Variants in MGAM observed in about 807,000 individuals in gnomAD.
MGAM encodes the protein alpha-1,4-glucosidase.
In MGAM, 253 loss-of-function variants were observed where a neutral mutation model predicts 358.8. That is an observed-to-expected ratio of 0.71 (90% CI 0.64 to 0.78). The LOEUF is 0.78. MGAM is among the 30% of genes least tolerant of loss of function. MGAM has a pLI of 0.00. For missense variants in MGAM, 3,080 were observed against 3,432.6 expected (o/e 0.90, Z 2.57); for synonymous variants, 1,105 against 1,227.1 (o/e 0.90, Z 2.08).
At chr7:142,005,785 G>C in intron 2 of MGAM, 128 bp downstream of exon 2, 1 of 868,760 alleles carries the variant, frequency 1.2e-6, no homozygotes, top group South Asian at 1.8e-5. Context: ...TTATATGTGT[G>C]TGTTCTATGT....
In MGAM at chr7:142,076,113, T is replaced by A. The variant is rs1337106956; in HGVS notation, c.5276-90T>A. On this transcript the variant is annotated intron_variant, in intron 45 of 70. Coordinates refer to ENST00000475668, the MANE Select transcript of MGAM (RefSeq NM_001365693.1). Reference sequence around the variant, plus strand: ...AAAGGAAATACTGCCATTTGTGACATCAGGATGTAACTGAAAAGAGTGGGA... The same window carrying A: ...AAAGGAAATACTGCCATTTGTGACAACAGGATGTAACTGAAAAGAGTGGGA... 2.0e-6 allele frequency: 2 copies of A among 1,016,056 alleles called. 1 individual carries two copies. The highest frequency in any genetic ancestry group is 3.1e-6 in the Non-Finnish European group (2 of 650,932). The allele number at this position is 1,016,056 out of a possible 1,614,324, so 62.9% of individuals were successfully genotyped here.
rs78757407 is a variant in MGAM, at chr7:142,098,050, C to T, written c.7749+401C>T. On this transcript the variant is annotated intron_variant, in intron 66 of 70. Transcript: ENST00000475668. ...TGTAAGCATAGAGGCCTTTTTGTCT[C>T]TGTCTTTTTATTAAATATCTCCTTC... Among the ~76,000 whole-genome samples, 717 of 151,724 alleles carry T rather than the reference C, an allele frequency of 4.7e-3. 4 individuals are homozygous for T. The highest frequency in any genetic ancestry group is 0.017 in the African/African-American group (683 of 41,056).
At chr7:142,015,923 A>T (rs4726487) in intron 3 of MGAM, among the ~76,000 whole-genome samples, 87,667 of 151,812 alleles carry the variant, frequency 0.58, 26,237 homozygotes, top group East Asian at 0.78. Flanking sequence ...AGTTTTTTTT[A>T]ATGAATCACA....
At chr7:142,083,653 T>C (rs1814514464) in intron 53 of MGAM, among the ~76,000 whole-genome samples, 1 of 145,660 alleles carries the variant, frequency 6.9e-6, no homozygotes, top group Non-Finnish European at 1.6e-5. Context: ...GTGATAGTAG[T>C]ATGGTGGTGG....
At chr7:142,057,465 G>C (rs1276054042) in intron 30 of MGAM, among the ~76,000 whole-genome samples, 1 of 149,294 alleles carries the variant, frequency 6.7e-6, no homozygotes, top group African/African-American at 2.5e-5. Context: ...GTGACAGTGA[G>C]GTGGTGTGAG....
intron 58 of MGAM, 141 bp from the exon 59 acceptor site, chr7:142,092,380 C>A: frequency 4.3e-6 from 4 of 926,654 alleles, no homozygotes; most frequent in South Asian, 1.6e-5. Flanking sequence ...CAGTTCTCAC[C>A]AGGATTTGAT....
chr7:142,045,647 AT>A (rs1202638118), intron 21 of MGAM, among the ~76,000 whole-genome samples: 2 of 105,910 alleles, frequency 1.9e-5, no homozygotes, highest in African/African-American at 7.5e-5. Context: ...TATAATATAT[AT>A]TATATACATA....
intron 1 of MGAM, among the ~76,000 whole-genome samples, chr7:141,999,937 G>T (rs1804601612): frequency 6.6e-6 from 1 of 151,882 alleles, no homozygotes; most frequent in Admixed American, 6.6e-5. Flanking sequence ...TCTTTCTCTT[G>T]TATAGCTAGA....
chr7:142,066,463 C>T, intron 40 of MGAM, 110 bp from the exon 41 acceptor site: 1 of 1,270,952 alleles, frequency 7.9e-7, no homozygotes, highest in Non-Finnish European at 1.1e-6. Flanking sequence ...GTATAGTTTT[C>T]TTTTGTTTAG....
chr7:142,078,939 C>T lies in MGAM; in HGVS notation c.5778C>T (p.Phe1926=), dbSNP rs746061058. Residue 1926 remains phenylalanine (F), a synonymous_variant, in exon 49 of 71, where the codon TTC becomes TTT. Transcript: ENST00000475668. ...AGTCTTCTGTTCATGCCAATGCCTT[C>T]CCTTCCACACCCGTGAACCCCCTTC... is the stretch of plus-strand genomic sequence containing the variant. ...SLKSSVHANA[F]PSTPVNPLRL... 85 of 1,555,842 alleles carry T rather than the reference C, an allele frequency of 5.5e-5. 14 individuals carry two copies. Among genetic ancestry groups the T allele is most frequent in the Non-Finnish European group, 7.2e-5 (81 of 1,132,430 alleles).
intron 20 of MGAM, chr7:142,040,424 A>G: frequency 1.7e-6 from 1 of 583,376 alleles, no homozygotes; most frequent in Non-Finnish European, 3.0e-6. Flanking sequence ...ATAAATTAAT[A>G]TTGGAGGAAC....
intron 21 of MGAM, among the ~76,000 whole-genome samples, chr7:142,044,977 T>C (rs1345337666): frequency 9.3e-6 from 1 of 107,374 alleles, no homozygotes; most frequent in African/African-American, 3.5e-5. Flanking sequence ...ATATGATATA[T>C]AATGTATATT....
intron 42 of MGAM, among the ~76,000 whole-genome samples, chr7:142,068,012 G>T (rs1812996003): frequency 1.5e-5 from 1 of 65,404 alleles, no homozygotes; most frequent in South Asian, 5.0e-4. Flanking sequence ...TTTTGAGACA[G>T]AGTCTCACTC....
At chr7:142,084,450 A>G in intron 53 of MGAM, 69 bp from the exon 54 acceptor site, 2 of 1,468,206 alleles carry the variant, frequency 1.4e-6, no homozygotes, top group Non-Finnish European at 1.9e-6. Context: ...AAATATTCTT[A>G]TTACTTGATG....
intron 5 of MGAM, 102 bp downstream of exon 5, chr7:142,021,185 A>T: frequency 1.4e-6 from 1 of 733,346 alleles, no homozygotes; most frequent in Non-Finnish European, 2.2e-6. Context: ...TACTGGATGT[A>T]TTTTTCTATA....
chr7:142,030,904 G>C lies in MGAM; in HGVS notation c.1470+147G>C, dbSNP rs79967643. 1,655 of 626,028 alleles carry C rather than the reference G, an allele frequency of 2.6e-3. 15 individuals carry two copies. The African/African-American group carries it at 0.029, about 11-fold the overall frequency. The allele number at this position is 626,028 out of a possible 1,614,324, so 38.8% of individuals were successfully genotyped here. ...ATATGCTGGGGATAAATTCTCCTCT[G>C]CCCTTTCATGCCCAAGTGCAAGCCG... On this transcript the variant is annotated intron_variant, in intron 12 of 70. Transcript: ENST00000475668.
At chr7:142,032,130 C>T (rs1271763736) in intron 13 of MGAM, among the ~76,000 whole-genome samples, 1 of 145,718 alleles carries the variant, frequency 6.9e-6, no homozygotes, top group Non-Finnish European at 1.5e-5. Context: ...TGTTCAATTG[C>T]TAGTTGAAGA....
chr7:142,033,696 G>A (rs889543429), intron 14 of MGAM, among the ~76,000 whole-genome samples: 1 of 152,080 alleles, frequency 6.6e-6, no homozygotes, highest in African/African-American at 2.4e-5. Context: ...GATGATTTTG[G>A]AAATATGAAC....
chr7:142,018,854 C>T (rs1383422009), intron 3 of MGAM, among the ~76,000 whole-genome samples: 1 of 151,732 alleles, frequency 6.6e-6, no homozygotes, highest in African/African-American at 2.4e-5. Flanking sequence ...AAGTCAAAGC[C>T]GATATAAATG....
Sources: allele counts gnomAD v4.1 joint callset (sites outside exome capture counted in the v4.1 genomes callset), GRCh38; gene constraint gnomAD v4.1.1; transcripts MANE v1.5; gene names NCBI Gene and HGNC (gene_info 2026-07-23, HGNC 2026-07-21).